FREM2: variants seen among roughly 807,000 people sequenced by gnomAD.
The protein encoded by FREM2 is FRAS1 related extracellular matrix 2.
Under a neutral mutation model 219.9 loss-of-function variants are expected in FREM2, and 119 were observed. That is an observed-to-expected ratio of 0.54 (90% confidence interval 0.47 to 0.63). The LOEUF (loss-of-function observed/expected upper bound fraction) is 0.63. FREM2 is among the 30% of genes least tolerant of loss of function. The probability of loss-of-function intolerance (pLI) is 0.00; values close to 1 mark genes in which losing one functional copy is unlikely to be tolerated. For synonymous variants in FREM2, 1,562 were observed against 1,522.8 expected (o/e 1.03, Z -0.60); for missense variants, 4,030 against 3,993.6 (o/e 1.01, Z -0.25).
chr13:38,875,737 G>T (rs756901724), intron 18 of FREM2, among the ~76,000 whole-genome samples: 3 of 152,138 alleles, frequency 2.0e-5, no homozygotes, highest in Non-Finnish European at 4.4e-5. Context: ...GAGCATTTCT[G>T]TACAATTATC....
chr13:38,828,918 A>G (rs1021975391), intron 6 of FREM2, among the ~76,000 whole-genome samples: 1 of 152,098 alleles, frequency 6.6e-6, no homozygotes, highest in Non-Finnish European at 1.5e-5. Context: ...GCTGTAGTAC[A>G]TATCCTTTTT....
At chr13:38,875,596 G>C (rs577565937) in intron 18 of FREM2, among the ~76,000 whole-genome samples, 2 of 152,096 alleles carry the variant, frequency 1.3e-5, no homozygotes, top group African/African-American at 4.8e-5. Context: ...TCATAAATTG[G>C]GTTTGCCCAG....
chr13:38,700,089 A>T (rs1356128581), intron 2 of FREM2, among the ~76,000 whole-genome samples: 1 of 152,118 alleles, frequency 6.6e-6, no homozygotes, highest in Non-Finnish European at 1.5e-5. Flanking sequence ...TTATAACAGT[A>T]ACTATCTAAG....
chr13:38,880,583 CA>C lies in FREM2; in HGVS notation c.9308del (p.Asn3103ThrfsTer18). 1 of 1,614,060 alleles carries C rather than the reference CA, an allele frequency of 6.2e-7. No homozygotes were observed. The highest frequency in any genetic ancestry group is 8.5e-7 in the Non-Finnish European group (1 of 1,179,910). ...CAGATGGCATCCTCCCCTGGGAGCT[CA>C]ACAGCCCCAGCTCTGCAGTCAGCCT... is the stretch of plus-strand genomic sequence containing the variant. ...PPDGILPWEL[N>X]SPSSAVSLVT... On this transcript the variant is annotated frameshift_variant, in exon 24 of 24. Transcript: ENST00000280481. LOFTEE classifies it low-confidence loss of function (END_TRUNC).
At chr13:38,720,426 C>T (rs1871179417) in intron 2 of FREM2, among the ~76,000 whole-genome samples, 1 of 152,142 alleles carries the variant, frequency 6.6e-6, no homozygotes. Context: ...CTATAGAACT[C>T]ACACATGCGC....
intron 2 of FREM2, among the ~76,000 whole-genome samples, chr13:38,715,520 T>C (rs1212306668): frequency 6.6e-6 from 1 of 151,912 alleles, no homozygotes; most frequent in African/African-American, 2.4e-5. Context: ...GGAACACCTA[T>C]CAGACCTGAT....
intron 2 of FREM2, among the ~76,000 whole-genome samples, chr13:38,721,426 C>T (rs748146123): frequency 1.2e-4 from 19 of 152,010 alleles, no homozygotes; most frequent in South Asian, 2.1e-4. Flanking sequence ...AGCATAGCCA[C>T]GGCAGAGGCA....
intron 1 of FREM2, among the ~76,000 whole-genome samples, chr13:38,696,685 T>C (rs1458896340): frequency 1.3e-5 from 2 of 152,164 alleles, no homozygotes; most frequent in African/African-American, 2.4e-5. Context: ...GATGGATGAA[T>C]AAGTTTTAAA....
chr13:38,784,438 T>C, intron 5 of FREM2, 119 bp from the exon 6 acceptor site: 1 of 1,076,464 alleles, frequency 9.3e-7, no homozygotes, highest in Non-Finnish European at 1.4e-6. Context: ...ATTGCAGTTC[T>C]AGGGGTGTTC....
chr13:38,748,030 T>C (rs1872558629), intron 2 of FREM2, among the ~76,000 whole-genome samples: 1 of 152,186 alleles, frequency 6.6e-6, no homozygotes, highest in African/African-American at 2.4e-5. Context: ...CATAGCTCGT[T>C]GTACATTGTT....
In FREM2 at chr13:38,856,169, C is replaced by T. The variant is rs374351600; in HGVS notation, c.6969C>T (p.Ile2323=). 3.7e-6 allele frequency: 6 copies of T among 1,610,958 alleles called. No homozygotes were observed. The highest frequency in any genetic ancestry group is 1.1e-5 in the South Asian group (1 of 90,980). Reference sequence around the variant, plus strand: ...GGGAAACCCAGCACGTGGTTGAAATCGAAGTTACCTTTGACGGGGTGAGAG... The same window carrying T: ...GGGAAACCCAGCACGTGGTTGAAATTGAAGTTACCTTTGACGGGGTGAGAG... ...KEGETQHVVE[I]EVTFDGVREM... is the part of the protein sequence containing the mutation. Residue 2323 remains isoleucine, a synonymous_variant, in exon 12 of 24, where the codon ATC becomes ATT. Transcript: ENST00000280481.
intron 2 of FREM2, among the ~76,000 whole-genome samples, chr13:38,760,801 T>C (rs181272397): frequency 6.4e-4 from 97 of 152,058 alleles, no homozygotes; most frequent in Non-Finnish European, 1.3e-3. Flanking sequence ...TCCTGGATCA[T>C]GTGTTGCAGT....
intron 6 of FREM2, among the ~76,000 whole-genome samples, chr13:38,805,617 A>G (rs551629432): frequency 1.8e-4 from 27 of 152,108 alleles, no homozygotes; most frequent in Non-Finnish European, 3.4e-4. Flanking sequence ...GACATCTACA[A>G]GAAAGAGAAG....
At chr13:38,852,609 T>C (rs1271202662) in intron 11 of FREM2, among the ~76,000 whole-genome samples, 1 of 152,138 alleles carries the variant, frequency 6.6e-6, no homozygotes, top group East Asian at 1.9e-4. Context: ...TAGTGAAATA[T>C]TAACCACAGA....
Position 38,688,131 on chromosome 13 carries a change from G to T in FREM2, c.787G>T (p.Gly263Cys). The change falls in exon 1 of 24, where the codon GGC becomes TGC. Residue 263 changes from glycine (G) to cysteine (C), a missense_variant. This residue lies in a region of FREM2 where 3,102 missense variants were observed against 2,950.7 expected (regional missense o/e 1.05). Coordinates refer to ENST00000280481, the MANE Select transcript of FREM2 (RefSeq NM_207361.6). ...GGACTGCAAAGCTTTCCAGGAACTA[G>T]GCGTGCGCTATCGCCACACAGCCGC... is the stretch of plus-strand genomic sequence containing the variant. ...LMDCKAFQEL[G>C]VRYRHTAASR... 2 of 1,613,446 alleles carry T rather than the reference G, an allele frequency of 1.2e-6. No individual in the cohort carries two copies. The highest frequency in any genetic ancestry group is 1.7e-6 in the Non-Finnish European group (2 of 1,179,844).
intron 3 of FREM2, among the ~76,000 whole-genome samples, chr13:38,766,410 TC>T (rs1182039431): frequency 4.8e-4 from 73 of 152,322 alleles, no homozygotes; most frequent in African/African-American, 1.7e-3. Flanking sequence ...TGGGAAGCCT[TC>T]TGTGTGTGGC....
At position 38,769,662 on chromosome 13, in the gene FREM2, A is replaced by G; in HGVS notation, c.5495A>G (p.Gln1832Arg). 1 of 1,614,206 alleles carries G rather than the reference A, an allele frequency of 6.2e-7. No individual in the cohort carries two copies. The highest frequency in any genetic ancestry group is 2.2e-5 in the East Asian group (1 of 44,872). Reference sequence around the variant, plus strand: ...AAACAAGTGCAGTTCAACCCAGGCCAGACCAGGGCCACATGGCGAGTGCGG... The same window carrying G: ...AAACAAGTGCAGTTCAACCCAGGCCGGACCAGGGCCACATGGCGAGTGCGG... ...AQKQVQFNPG[Q>R]TRATWRVRIL... Residue 1832 changes from glutamine to arginine, a missense_variant, in exon 4 of 24, where the codon CAG (glutamine) becomes CGG (arginine). Gln to Arg is a conservative substitution (Grantham distance 43). Around this residue, in one of 2 missense-constraint regions of FREM2, gnomAD observed 3,102 missense variants for 2,950.7 expected, o/e 1.05. Transcript: ENST00000280481.
chr13:38,850,379 G>T (rs1488213476), intron 9 of FREM2, 144 bp downstream of exon 9: 1 of 722,680 alleles, frequency 1.4e-6, no homozygotes, highest in Non-Finnish European at 2.4e-6. Context: ...AAGTGAAATC[G>T]ATTTTTAACA....
chr13:38,823,406 C>T (rs972227416), intron 6 of FREM2, among the ~76,000 whole-genome samples: 4 of 151,850 alleles, frequency 2.6e-5, no homozygotes, highest in Non-Finnish European at 4.4e-5. Context: ...GCACACCTCT[C>T]ACCTGCTAAT....
Sources: allele counts gnomAD v4.1 joint callset (sites outside exome capture counted in the v4.1 genomes callset), GRCh38; gene constraint gnomAD v4.1.1; regional missense constraint gnomAD v4.1.1; transcripts MANE v1.5; gene names NCBI Gene and HGNC (gene_info 2026-07-23, HGNC 2026-07-21).